Variants in TSPAN9 observed in about 807,000 individuals in gnomAD.
The protein encoded by TSPAN9 is tetraspanin-9.
In TSPAN9, 16 loss-of-function variants were observed where a neutral mutation model predicts 31.0. The observed-to-expected ratio is 0.52, with a 90% CI of 0.35 to 0.78. The LOEUF is 0.78. TSPAN9 is among the 30% of genes least tolerant of loss of function. The pLI, the probability that TSPAN9 is intolerant of heterozygous loss-of-function variation, is 0.01. For synonymous variants in TSPAN9, 145 were observed against 121.6 expected, an observed-to-expected ratio of 1.19 and a Z score of -1.27; for missense variants, 272 against 312.5, an observed-to-expected ratio of 0.87 and a Z score of 0.98.
chr12:3,152,602 T>A (rs187501443), intron 2 of TSPAN9, among the ~76,000 whole-genome samples: 116 of 152,300 alleles, frequency 7.6e-4, no homozygotes, highest in South Asian at 5.0e-3. Flanking sequence ...TCTTTCTTTT[T>A]TGAGACGGAG....
At chr12:3,094,538 G>GTTTTTTTTTTTT (rs3062035) in intron 2 of TSPAN9, among the ~76,000 whole-genome samples, 1 of 142,612 alleles carries the variant, frequency 7.0e-6, no homozygotes, top group African/African-American at 2.6e-5. Context: ...TGTTGTTGTT[G>GTTTTTTTTTTTT]TTTTTTTTTT....
chr12:3,119,992 C>T (rs780908295), intron 2 of TSPAN9, among the ~76,000 whole-genome samples: 8 of 152,150 alleles, frequency 5.3e-5, no homozygotes, highest in Admixed American at 3.3e-4. Context: ...CTCTCTGTAG[C>T]GCAAGGAGTT....
At chr12:3,174,521 T>C (rs565051248) in intron 2 of TSPAN9, among the ~76,000 whole-genome samples, 1 of 152,248 alleles carries the variant, frequency 6.6e-6, no homozygotes, top group Non-Finnish European at 1.5e-5. Flanking sequence ...GGCCAGGGGC[T>C]TCTTCTTGTA....
chr12:3,175,080 A>C (rs11062548), intron 2 of TSPAN9, among the ~76,000 whole-genome samples: 115,185 of 151,702 alleles, frequency 0.76, 43,884 homozygotes, highest in Admixed American at 0.82. Context: ...TGCGGACACA[A>C]CCCTGAGTGC....
intron 2 of TSPAN9, among the ~76,000 whole-genome samples, chr12:3,129,209 G>A (rs112973972): frequency 4.6e-5 from 7 of 152,120 alleles, no homozygotes; most frequent in Non-Finnish European, 1.0e-4. Flanking sequence ...CTATTGTGCA[G>A]CATCGTATTT....
chr12:3,235,183 A>G (rs1179349318), intron 3 of TSPAN9, among the ~76,000 whole-genome samples: 1 of 8,280 alleles, frequency 1.2e-4, no homozygotes, highest in African/African-American at 5.5e-4. Context: ...ACTCCGTCTC[A>G]AAAAAAAAAA....
At chr12:3,279,704 G>T (rs1026556381) in intron 5 of TSPAN9, among the ~76,000 whole-genome samples, 1 of 152,204 alleles carries the variant, frequency 6.6e-6, no homozygotes, top group African/African-American at 2.4e-5. Flanking sequence ...GTAAGGAGCA[G>T]TTCTTGAAAT....
At chr12:3,078,087 G>C (rs7134569) in intron 1 of TSPAN9, among the ~76,000 whole-genome samples, 2,400 of 152,316 alleles carry the variant, frequency 0.016, 60 homozygotes, top group African/African-American at 0.056. Context: ...GTACATCTTG[G>C]AACTGGAGTC....
intron 2 of TSPAN9, among the ~76,000 whole-genome samples, chr12:3,144,856 T>C (rs984296405): frequency 2.0e-5 from 3 of 152,348 alleles, no homozygotes; most frequent in Admixed American, 6.5e-5. Flanking sequence ...TGGGCAAAAT[T>C]AGAACCCAAA....
intron 2 of TSPAN9, among the ~76,000 whole-genome samples, chr12:3,138,519 A>AG (rs1565589425): frequency 1.3e-5 from 2 of 151,400 alleles, no homozygotes; most frequent in East Asian, 3.9e-4. Flanking sequence ...GCAGGAGTGC[A>AG]GTGGGGTAGT....
chr12:3,180,750 T>A (rs2098358227), intron 2 of TSPAN9, among the ~76,000 whole-genome samples: 1 of 152,320 alleles, frequency 6.6e-6, no homozygotes, highest in East Asian at 1.9e-4. Context: ...GGGCCCTTTT[T>A]AACAAGGTCT....
chr12:3,113,557 T>G (rs570615758), intron 2 of TSPAN9, among the ~76,000 whole-genome samples: 1 of 152,342 alleles, frequency 6.6e-6, no homozygotes, highest in Admixed American at 6.5e-5. Flanking sequence ...CAATAGATAC[T>G]TTTTTGGTTG....
At chr12:3,159,566 G>A (rs1369685305) in intron 2 of TSPAN9, among the ~76,000 whole-genome samples, 1 of 152,070 alleles carries the variant, frequency 6.6e-6, no homozygotes, top group Non-Finnish European at 1.5e-5. Context: ...GACTGGTGCC[G>A]TTATAAGAGG....
intron 3 of TSPAN9, among the ~76,000 whole-genome samples, chr12:3,209,018 C>T (rs920323775): frequency 2.0e-5 from 3 of 152,034 alleles, no homozygotes; most frequent in South Asian, 2.1e-4. Flanking sequence ...GGGTGGATCA[C>T]GAGGTCAGGA....
intron 2 of TSPAN9, among the ~76,000 whole-genome samples, chr12:3,135,424 CTCCT>C (rs912176479): frequency 6.6e-6 from 1 of 152,200 alleles, no homozygotes; most frequent in African/African-American, 2.4e-5. Context: ...ATGAGGCACA[CTCCT>C]TCCTTAATCC....
intron 3 of TSPAN9, among the ~76,000 whole-genome samples, chr12:3,226,775 TATATATATATA>T (rs2098387888): frequency 4.9e-4 from 3 of 6,164 alleles, no homozygotes; most frequent in African/African-American, 5.4e-4. Flanking sequence ...TATATATATA[TATATATATATA>T]TATATATATT....
rs961041488 is a variant in TSPAN9, at chr12:3,080,240, T to G, written c.-85+2787T>G. On this transcript the variant is annotated intron_variant, in intron 1 of 8. Coordinates refer to ENST00000011898, the MANE Select transcript of TSPAN9 (RefSeq NM_006675.5). ...TTCCAGCATCAGATAATTAACAGTGTAAGATATTGGCAGCCACTCAATCAA... is the reference window on the plus strand; with the variant it reads ...TTCCAGCATCAGATAATTAACAGTGGAAGATATTGGCAGCCACTCAATCAA... 2.0e-5 allele frequency among the ~76,000 whole-genome samples: 3 copies of G among 152,222 alleles called. No individual in the cohort carries two copies. In the East Asian group the frequency reaches 5.8e-4, roughly 29 times the overall value.
At chr12:3,120,732 A>G (rs924899384) in intron 2 of TSPAN9, among the ~76,000 whole-genome samples, 5 of 152,266 alleles carry the variant, frequency 3.3e-5, no homozygotes, top group Non-Finnish European at 7.3e-5. Context: ...TGGGAGGGCT[A>G]GGGGAGCATT....
intron 2 of TSPAN9, among the ~76,000 whole-genome samples, chr12:3,094,860 TTTTTTTTTTG>T (rs371130011): frequency 0.05 from 7,167 of 144,220 alleles, 238 homozygotes; most frequent in Non-Finnish European, 0.078. Flanking sequence ...TTTTTTTTTT[TTTTTTTTTTG>T]TTTTTAAATT....
Sources: gnomAD v4.1 joint callset for allele counts (sites outside exome capture counted in the v4.1 genomes callset) on GRCh38, gnomAD v4.1.1 for gene constraint, MANE v1.5 for transcripts, NCBI Gene and HGNC (gene_info 2026-07-23, HGNC 2026-07-21) for gene names.